The following TAFA4 variants were observed in gnomAD, a reference collection of about 807,000 sequenced individuals.
TAFA4 encodes TAFA chemokine like family member 4, also known as chemokine-like protein TAFA-4.
TAFA4 carries 20 observed loss-of-function variants against 21.1 expected under a neutral mutation model. The observed-to-expected ratio is 0.95, with a 90% CI of 0.67 to 1.38. TAFA4 has a LOEUF of 1.38. Ranked by LOEUF, TAFA4 falls within the 40% of genes most tolerant of loss-of-function variation. The probability of loss-of-function intolerance (pLI) is 0.00; values close to 1 mark genes in which losing one functional copy is unlikely to be tolerated. For missense variants in TAFA4, 211 were observed against 180.9 expected, an observed-to-expected ratio of 1.17 and a Z score of -0.95; for synonymous variants, 71 against 67.4, an observed-to-expected ratio of 1.05 and a Z score of -0.26.
chr3:68,881,381 A>C (rs1356590823), intron 2 of TAFA4, among the ~76,000 whole-genome samples: 1 of 152,234 alleles, frequency 6.6e-6, no homozygotes, highest in East Asian at 1.9e-4. Context: ...AGGTGAATAT[A>C]AAATAAATTT....
At chr3:68,895,614 G>A (rs974592339) in intron 1 of TAFA4, among the ~76,000 whole-genome samples, 8 of 152,112 alleles carry the variant, frequency 5.3e-5, no homozygotes, top group Non-Finnish European at 5.9e-5. Flanking sequence ...CTATGCACAG[G>A]GAACTTAGAC....
At chr3:68,845,779 G>A (rs1704775427) in intron 3 of TAFA4, among the ~76,000 whole-genome samples, 1 of 152,132 alleles carries the variant, frequency 6.6e-6, no homozygotes, top group African/African-American at 2.4e-5. Context: ...CACTTATGAA[G>A]CTTAGTTTGG....
At chr3:68,903,481 C>A (rs1483086368) in intron 1 of TAFA4, among the ~76,000 whole-genome samples, 1 of 152,192 alleles carries the variant, frequency 6.6e-6, no homozygotes, top group Non-Finnish European at 1.5e-5. Context: ...GTGTGTCCAT[C>A]AACAACCTCA....
At chr3:68,800,959 A>C (rs1245752464) in intron 3 of TAFA4, among the ~76,000 whole-genome samples, 1 of 152,150 alleles carries the variant, frequency 6.6e-6, no homozygotes, top group Non-Finnish European at 1.5e-5. Flanking sequence ...GGAATTTGAG[A>C]AGAGAGAAGA....
intron 3 of TAFA4, among the ~76,000 whole-genome samples, chr3:68,872,114 G>A (rs1043387780): frequency 6.6e-6 from 1 of 152,048 alleles, no homozygotes; most frequent in African/African-American, 2.4e-5. Context: ...GTTTATTGCA[G>A]CCATATTTAC....
intron 3 of TAFA4, among the ~76,000 whole-genome samples, chr3:68,781,281 A>C (rs529087675): frequency 5.9e-5 from 9 of 152,066 alleles, no homozygotes; most frequent in South Asian, 4.1e-4. Flanking sequence ...AATGGAAAAA[A>C]ATAACATCAG....
At chr3:68,760,380 G>T (rs1445024902) in intron 3 of TAFA4, among the ~76,000 whole-genome samples, 1 of 152,180 alleles carries the variant, frequency 6.6e-6, no homozygotes, top group Non-Finnish European at 1.5e-5. Context: ...AACCACATCT[G>T]CAATAGAAGT....
intron 3 of TAFA4, among the ~76,000 whole-genome samples, chr3:68,778,602 G>C (rs1444230662): frequency 2.0e-5 from 3 of 152,166 alleles, no homozygotes; most frequent in Non-Finnish European, 4.4e-5. Flanking sequence ...TACAAGATCT[G>C]ATGGTTTTAA....
At chr3:68,784,175 G>T (rs1253611831) in intron 3 of TAFA4, among the ~76,000 whole-genome samples, 1 of 152,212 alleles carries the variant, frequency 6.6e-6, no homozygotes, top group Non-Finnish European at 1.5e-5. Flanking sequence ...TAGCAATTTT[G>T]AAAAGCTTTA....
intron 3 of TAFA4, among the ~76,000 whole-genome samples, chr3:68,875,924 A>C (rs1423933362): frequency 6.6e-6 from 1 of 152,062 alleles, no homozygotes; most frequent in Non-Finnish European, 1.5e-5. Flanking sequence ...TTTTAAAAAA[A>C]AAAAAGAGAG....
intron 3 of TAFA4, among the ~76,000 whole-genome samples, chr3:68,774,941 C>CA (rs1304441559): frequency 2.0e-5 from 3 of 151,840 alleles, no homozygotes; most frequent in African/African-American, 7.3e-5. Context: ...TAAAAAGCTG[C>CA]AAAAAAGAAA....
chr3:68,751,757 T>C lies in TAFA4; in HGVS notation c.286+1106A>G, dbSNP rs147793768. On this transcript the variant is annotated intron_variant, in intron 4 of 5. Transcript: ENST00000295569. The stretch of plus-strand genomic sequence containing the variant: ...ATATTCATACATTTCACTGCAGATA[T>C]AGTAATATTTCTATGATTATGGGGT... Among the ~76,000 whole-genome samples, 48 of 152,310 alleles carry C rather than the reference T, an allele frequency of 3.2e-4. No homozygotes were observed. The East Asian group carries it at 3.5e-3, about 11-fold the overall frequency.
chr3:68,798,909 T>C (rs540759985), intron 3 of TAFA4, among the ~76,000 whole-genome samples: 174 of 152,316 alleles, frequency 1.1e-3, no homozygotes, highest in East Asian at 3.3e-3. Context: ...AGCGTGGTCA[T>C]TGCAATTAAG....
chr3:68,908,438 G>A (rs371161499), intron 1 of TAFA4, among the ~76,000 whole-genome samples: 2 of 151,820 alleles, frequency 1.3e-5, no homozygotes, highest in South Asian at 2.1e-4. Flanking sequence ...CTCAGATGGC[G>A]ATATTGCCAT....
intron 3 of TAFA4, among the ~76,000 whole-genome samples, chr3:68,779,123 G>T (rs1703103835): frequency 1.3e-5 from 2 of 152,158 alleles, no homozygotes; most frequent in Admixed American, 1.3e-4. Flanking sequence ...GCAGCATTTT[G>T]CCCTGCCCTA....
intron 3 of TAFA4, among the ~76,000 whole-genome samples, chr3:68,843,398 T>G (rs893139385): frequency 6.6e-6 from 1 of 152,064 alleles, no homozygotes; most frequent in Non-Finnish European, 1.5e-5. Flanking sequence ...CTTTACTGAA[T>G]TATCAGCTTA....
At chr3:68,865,969 G>A (rs1334861287) in intron 3 of TAFA4, among the ~76,000 whole-genome samples, 2 of 152,062 alleles carry the variant, frequency 1.3e-5, no homozygotes, top group African/African-American at 4.8e-5. Flanking sequence ...TTTCTACACT[G>A]GAAAAAAGTG....
chr3:68,757,846 G>C (rs1702686521), intron 3 of TAFA4, among the ~76,000 whole-genome samples: 1 of 151,890 alleles, frequency 6.6e-6, no homozygotes, highest in African/African-American at 2.4e-5. Flanking sequence ...TCCTTCTTAG[G>C]AATACACATT....
intron 3 of TAFA4, among the ~76,000 whole-genome samples, chr3:68,763,349 T>A (rs1702790226): frequency 6.6e-6 from 1 of 152,218 alleles, no homozygotes; most frequent in Non-Finnish European, 1.5e-5. Context: ...AGTCTAAGAA[T>A]TATATCCCAG....
Sources: allele counts gnomAD v4.1 joint callset (sites outside exome capture counted in the v4.1 genomes callset), GRCh38; gene constraint gnomAD v4.1.1; transcripts MANE v1.5; gene names NCBI Gene and HGNC (gene_info 2026-07-23, HGNC 2026-07-21).